Variants in NFE2L2 observed in about 807,000 individuals in gnomAD.
The protein encoded by NFE2L2 is nuclear factor erythroid 2-related factor 2.
In NFE2L2, 20 loss-of-function variants were observed where a neutral mutation model predicts 49.6. That is an observed-to-expected ratio of 0.40 (90% CI 0.28 to 0.59). The LOEUF (loss-of-function observed/expected upper bound fraction) is 0.59, where lower values mean the gene tolerates loss of function less well. Ranked by LOEUF, NFE2L2 falls within the 20% of genes least tolerant of loss-of-function variation. The pLI is 0.40. For synonymous variants in NFE2L2, 244 were observed against 256.5 expected (o/e 0.95, Z 0.47); for missense variants, 578 against 714.2 (o/e 0.81, Z 2.17).
At chr2:177,263,437 A>C in intron 1 of NFE2L2, 1 of 985,524 alleles carries the variant, frequency 1.0e-6, no homozygotes, top group Non-Finnish European at 1.2e-6. Context: ...CCCGTCTTAC[A>C]CATTTTGGAA....
chr2:177,238,889 T>C lies in NFE2L2; in HGVS notation c.46-4618A>G, dbSNP rs138179678. Among the ~76,000 whole-genome samples, 282 of 152,366 alleles carry C rather than the reference T, an allele frequency of 1.9e-3. 2 individuals carry two copies. The highest frequency in any genetic ancestry group is 5.9e-3 in the Admixed American group (90 of 15,302). On this transcript the variant is annotated intron_variant, in intron 1 of 4. Coordinates refer to ENST00000397062, the MANE Select transcript of NFE2L2 (RefSeq NM_006164.5). ...AGCAAATTAGAAGTTTTAGTGGATA[T>C]TGCTCTTGATGGTGGTTTTGTTACT...
chr2:177,248,014 T>C (rs531958535), intron 1 of NFE2L2, among the ~76,000 whole-genome samples: 132 of 152,258 alleles, frequency 8.7e-4, no homozygotes, highest in Non-Finnish European at 1.5e-3. Flanking sequence ...TAAAGATGTA[T>C]CACTCAGGAA....
rs148816783 is a variant in NFE2L2, at chr2:177,233,774, G to T, written c.312+231C>A. The T allele has an allele frequency of 3.2e-3, 1,887 of 598,164 alleles. 51 individuals carry two copies. The highest frequency in any genetic ancestry group is 0.031 in the East Asian group (1,112 of 35,302). 37.1% of individuals were successfully genotyped at this position (598,164 alleles called of 1,614,324 possible). A position where few individuals can be genotyped will look rare whatever the true frequency, so the allele number is the denominator to read the frequency against. On this transcript the variant is annotated intron_variant, in intron 2 of 4. Coordinates refer to ENST00000397062, the MANE Select transcript of NFE2L2 (RefSeq NM_006164.5). The stretch of plus-strand genomic sequence containing the variant: ...GTTTCTATACTTTACAAAACTCTTT[G>T]GTGTAACTTAAGTCTTCCCAATCCT...
At position 177,263,980 on chromosome 2, in the gene NFE2L2, T is replaced by A. The variant is rs565097718; in HGVS notation, c.45+552A>T. 2.4e-4 allele frequency: 239 copies of A among 978,182 alleles called. 1 individual carries two copies. The highest frequency in any genetic ancestry group is 2.1e-3 in the Middle Eastern group (4 of 1,892). 60.6% of individuals were successfully genotyped at this position (978,182 alleles called of 1,614,324 possible). On this transcript the variant is annotated intron_variant, in intron 1 of 4. Coordinates refer to ENST00000397062, the MANE Select transcript of NFE2L2 (RefSeq NM_006164.5). Reference sequence around the variant, plus strand: ...CAGACGGCCCAGCGGGGTGAGCGCGTCGCAGCCCGCACTCAAGGAGGTCTT... The same window carrying A: ...CAGACGGCCCAGCGGGGTGAGCGCGACGCAGCCCGCACTCAAGGAGGTCTT...
intron 1 of NFE2L2, among the ~76,000 whole-genome samples, chr2:177,247,725 C>G (rs895507144): frequency 2.6e-5 from 4 of 151,928 alleles, no homozygotes; most frequent in Non-Finnish European, 5.9e-5. Flanking sequence ...AACTTCCACT[C>G]CAGAAGTGTC....
chr2:177,230,893 A>G lies in NFE2L2; in HGVS notation c.1710T>C (p.Asp570=), dbSNP rs761839447. ...TAGGAGAATAAGGTTTTCCATCTTCATCACGTAGCATGCTGAAAACTTCGA... is the reference window on the plus strand; with the variant it reads ...TAGGAGAATAAGGTTTTCCATCTTCGTCACGTAGCATGCTGAAAACTTCGA... ...LYLEVFSMLR[D]EDGKPYSPSE... The change falls in exon 5 of 5, where the codon GAT becomes GAC. Residue 570 remains aspartate (D), a synonymous_variant. Coordinates refer to ENST00000397062, the MANE Select transcript of NFE2L2 (RefSeq NM_006164.5). 8.8e-5 allele frequency: 142 copies of G among 1,613,944 alleles called. No individual in the cohort carries two copies. Among genetic ancestry groups the G allele is most frequent in the Non-Finnish European group, 1.2e-4 (136 of 1,180,010 alleles).
intron 1 of NFE2L2, among the ~76,000 whole-genome samples, chr2:177,248,199 G>A (rs1193985387): frequency 1.3e-5 from 2 of 152,196 alleles, no homozygotes; most frequent in African/African-American, 4.8e-5. Flanking sequence ...GAATCCAGGG[G>A]TGGGTGGTTG....
Position 177,244,110 on chromosome 2 carries a change from C to A in NFE2L2, c.46-9839G>T, listed in dbSNP as rs376884183. On this transcript the variant is annotated intron_variant, in intron 1 of 4. Transcript: ENST00000397062. ...GATCAGGAGATTGAGACCATCCTGGCTAACACGGTGAAACCCCGTCTCTAC... is the reference window on the plus strand; with the variant it reads ...GATCAGGAGATTGAGACCATCCTGGATAACACGGTGAAACCCCGTCTCTAC... Among the ~76,000 whole-genome samples, 60 of 151,808 alleles carry A rather than the reference C, an allele frequency of 4.0e-4. No individual in the cohort carries two copies. In the East Asian group the frequency reaches 0.01, roughly 26 times the overall value.
intron 1 of NFE2L2, among the ~76,000 whole-genome samples, chr2:177,261,249 A>T (rs1690728214): frequency 2.0e-5 from 3 of 151,934 alleles, no homozygotes; most frequent in Admixed American, 2.0e-4. Context: ...TGTCTTCCTT[A>T]AAAGGACCAC....
intron 1 of NFE2L2, among the ~76,000 whole-genome samples, chr2:177,245,422 A>T (rs1172179032): frequency 6.6e-6 from 1 of 152,192 alleles, no homozygotes; most frequent in Non-Finnish European, 1.5e-5. Flanking sequence ...TGGCAGAGGG[A>T]AAAGATCTTT....
At chr2:177,259,759 C>T (rs1690662088) in intron 1 of NFE2L2, among the ~76,000 whole-genome samples, 1 of 152,050 alleles carries the variant, frequency 6.6e-6, no homozygotes, top group Non-Finnish European at 1.5e-5. Flanking sequence ...AGTGAAACCC[C>T]ATCTCTACTA....
chr2:177,249,676 A>G (rs1690264843), intron 1 of NFE2L2, among the ~76,000 whole-genome samples: 2 of 152,242 alleles, frequency 1.3e-5, no homozygotes, highest in South Asian at 4.1e-4. Context: ...TATATCCAAA[A>G]TTATTTTAAC....
At chr2:177,236,511 T>C (rs1689755516) in intron 1 of NFE2L2, among the ~76,000 whole-genome samples, 1 of 152,208 alleles carries the variant, frequency 6.6e-6, no homozygotes, top group African/African-American at 2.4e-5. Flanking sequence ...ACTTTACATA[T>C]AGAAACTATT....
chr2:177,231,458 T>C lies in NFE2L2; in HGVS notation c.1145A>G (p.Asp382Gly), dbSNP rs1689546544. The C allele has an allele frequency of 1.1e-5, 18 of 1,614,250 alleles. No individual in the cohort carries two copies. The highest frequency in any genetic ancestry group is 1.5e-5 in the Non-Finnish European group (18 of 1,180,032). Residue 382 changes from aspartate to glycine, a missense_variant, in exon 5 of 5, where the codon GAT (aspartate) becomes GGT (glycine). Around this residue, in one of 3 missense-constraint regions of NFE2L2, gnomAD observed 368 missense variants for 384.6 expected, o/e 0.96. Coordinates refer to ENST00000397062, the MANE Select transcript of NFE2L2 (RefSeq NM_006164.5). ...CTGTTTGACACTTCCAGGGGCACTA[T>C]CTAGCTCTTCCACTTCAGAATCACT... The part of the protein sequence containing the change: ...GLSDSEVEEL[D>G]SAPGSVKQNG...
In NFE2L2 at chr2:177,264,513, C is replaced by T; in HGVS notation, c.45+19G>A. The stretch of plus-strand genomic sequence containing the variant: ...CCCGTCCCGGCACCACCGCAGGGCC[C>T]AGAGGGCCGAGGCAGCACCTGCTGG... On this transcript the variant is annotated intron_variant, in intron 1 of 4. Transcript: ENST00000397062. 6.6e-7 allele frequency: 1 copy of T among 1,524,018 alleles called. No homozygotes were observed. Among genetic ancestry groups the T allele is most frequent in the Non-Finnish European group, 8.8e-7 (1 of 1,134,918 alleles). The allele number at this position is 1,524,018 out of a possible 1,614,324, so 94.4% of individuals were successfully genotyped here.
intron 1 of NFE2L2, among the ~76,000 whole-genome samples, chr2:177,257,899 C>T (rs570450472): frequency 6.6e-6 from 1 of 152,214 alleles, no homozygotes; most frequent in Non-Finnish European, 1.5e-5. Context: ...CATCCTCTAC[C>T]TCCTTCTATG....
chr2:177,259,692 G>C (rs1436022792), intron 1 of NFE2L2, among the ~76,000 whole-genome samples: 2 of 152,068 alleles, frequency 1.3e-5, no homozygotes, highest in African/African-American at 4.8e-5. Context: ...CAGCACTTTG[G>C]GAGGCTGAGG....
intron 2 of NFE2L2, 194 bp from the exon 3 acceptor site, chr2:177,233,533 T>C (rs1419662404): frequency 1.4e-5 from 8 of 569,932 alleles, no homozygotes; most frequent in African/African-American, 7.8e-5. Flanking sequence ...TCCAATTTTC[T>C]GAGTGATCTG....
chr2:177,232,987 T>C, intron 3 of NFE2L2: 1 of 513,952 alleles, frequency 1.9e-6, no homozygotes, highest in East Asian at 3.3e-5. Flanking sequence ...GTTTCCATGG[T>C]TATGCTGTCC....
Sources: gnomAD v4.1 joint callset for allele counts (sites outside exome capture counted in the v4.1 genomes callset) on GRCh38, gnomAD v4.1.1 for gene constraint, gnomAD v4.1.1 regional missense constraint, MANE v1.5 for transcripts, NCBI Gene and HGNC (gene_info 2026-07-23, HGNC 2026-07-21) for gene names.